The following CHD1 variants were observed in gnomAD, a reference collection of about 807,000 sequenced individuals.
CHD1 encodes ATP-dependent chromatin remodeler CHD1.
CHD1 carries 36 observed loss-of-function variants against 224.2 expected under a neutral mutation model. The ratio of observed to expected loss-of-function variants is 0.16; its 90% confidence interval spans 0.12 to 0.21. The LOEUF (loss-of-function observed/expected upper bound fraction) is 0.21. Ranked by LOEUF, CHD1 falls within the 10% of genes least tolerant of loss-of-function variation. The pLI is 1.00. For synonymous variants in CHD1, 668 were observed against 658.3 expected (o/e 1.01, Z -0.23); for missense variants, 1,378 against 1,994.8 (o/e 0.69, Z 5.89).
intron 35 of CHD1, 61 bp downstream of exon 35, chr5:98,858,119 A>T (rs1748177919): frequency 7.7e-7 from 1 of 1,304,840 alleles, no homozygotes; most frequent in East Asian, 2.3e-5. Context: ...AAATACAGGA[A>T]CATCATGATA....
At position 98,926,378 on chromosome 5, in the gene CHD1, T is replaced by C. The variant is rs777920140; in HGVS notation, c.9A>G (p.Gly3=). ...TTCTAACACTTTCTTCATCACTGTG[T>C]CCATTCATTGTAAATTATTATCAAG... MN[G]HSDEESVRNS... Residue 3 remains glycine (G), a synonymous_variant, in exon 2 of 36, where the codon GGA becomes GGG. Transcript: ENST00000614616. 3 of 1,501,278 alleles carry C rather than the reference T, an allele frequency of 2.0e-6. No homozygotes were observed. Among genetic ancestry groups the C allele is most frequent in the Non-Finnish European group, 1.8e-6 (2 of 1,119,310 alleles). The allele number at this position is 1,501,278 out of a possible 1,614,324, so 93.0% of individuals were successfully genotyped here.
intron 2 of CHD1, among the ~76,000 whole-genome samples, chr5:98,906,997 C>G (rs1752087238): frequency 6.6e-6 from 1 of 152,162 alleles, no homozygotes; most frequent in African/African-American, 2.4e-5. Context: ...GAACAGTAGA[C>G]AGATGAATGA....
chr5:98,910,332 T>C (rs933849542), intron 2 of CHD1, among the ~76,000 whole-genome samples: 6 of 152,200 alleles, frequency 3.9e-5, no homozygotes, highest in Admixed American at 1.3e-4. Context: ...AAGATGACTA[T>C]GCAATTCTTT....
At chr5:98,858,910 A>C in intron 34 of CHD1, 54 bp downstream of exon 34, 2 of 1,296,864 alleles carry the variant, frequency 1.5e-6, no homozygotes, top group South Asian at 3.2e-5. Context: ...TTAAAACAAA[A>C]ATTTAAAAAA....
At position 98,891,587 on chromosome 5, in the gene CHD1, G is replaced by C. The variant is rs1357360032; in HGVS notation, c.2180+938C>G. On this transcript the variant is annotated intron_variant, in intron 15 of 35. Transcript: ENST00000614616. ...GCACTTTGGAAGGCTGAGGCGTGTG[G>C]ATCGCTTGGGGCCAGGAGTTCAGGA... Among the ~76,000 whole-genome samples the C allele has an allele frequency of 3.9e-5, 6 of 152,186 alleles. No individual in the cohort carries two copies. The East Asian group carries it at 1.2e-3, about 30-fold the overall frequency.
At chr5:98,924,601 T>C (rs1165009760) in intron 2 of CHD1, among the ~76,000 whole-genome samples, 2 of 152,254 alleles carry the variant, frequency 1.3e-5, no homozygotes, top group African/African-American at 2.4e-5. Context: ...TTCCTTATTT[T>C]ATTCTCTATG....
intron 2 of CHD1, among the ~76,000 whole-genome samples, chr5:98,913,050 G>C (rs1752524697): frequency 6.6e-6 from 1 of 152,174 alleles, no homozygotes; most frequent in African/African-American, 2.4e-5. Context: ...GCTTGACAAA[G>C]AGAGCTATAA....
intron 31 of CHD1, among the ~76,000 whole-genome samples, chr5:98,867,601 G>A (rs553611722): frequency 2.6e-5 from 4 of 151,966 alleles, no homozygotes; most frequent in African/African-American, 9.7e-5. Flanking sequence ...AATGGCATTG[G>A]GAATTTAAAA....
chr5:98,864,832 TTA>T (rs1748739952), intron 31 of CHD1, among the ~76,000 whole-genome samples: 1 of 152,230 alleles, frequency 6.6e-6, no homozygotes, highest in African/African-American at 2.4e-5. Flanking sequence ...TTCATTGCTT[TTA>T]TGTTTCCTAT....
At chr5:98,914,517 G>GA (rs150899249) in intron 2 of CHD1, among the ~76,000 whole-genome samples, 20,819 of 147,728 alleles carry the variant, frequency 0.14, 1,782 homozygotes, top group Middle Eastern at 0.28. Context: ...AAATGCCATA[G>GA]AAAAAAAAAA....
Position 98,900,969 on chromosome 5 carries a change from C to A in CHD1, c.701G>T (p.Arg234Leu). 1.2e-6 allele frequency: 2 copies of A among 1,613,970 alleles called. No homozygotes were observed. Among genetic ancestry groups the A allele is most frequent in the South Asian group, 1.1e-5 (1 of 91,080 alleles). Residue 234 changes from arginine (R) to leucine (L), a missense_variant, in exon 7 of 36, where the codon CGC becomes CTC. Arg to Leu is a moderately radical substitution (Grantham distance 102). This residue lies in a region of CHD1 where 306 missense variants were observed against 298.1 expected (regional missense o/e 1.03). Transcript: ENST00000614616. ...ATAGCTAACATTAACAGTTGCTTGG[C>A]GACGAGAACTTCTTTTATCATTATC... ...DYDNDKRSSR[R>L]QATVNVSYKE...
chr5:98,907,900 A>T (rs577478727), intron 2 of CHD1, among the ~76,000 whole-genome samples: 147 of 152,264 alleles, frequency 9.7e-4, no homozygotes, highest in African/African-American at 3.4e-3. Flanking sequence ...AGAGATTTTT[A>T]AAAATGAAAG....
chr5:98,881,507 G>A, intron 20 of CHD1, 132 bp from the exon 21 acceptor site: 2 of 513,130 alleles, frequency 3.9e-6, no homozygotes, highest in East Asian at 3.4e-5. Flanking sequence ...TCAAGTATTA[G>A]AATCCTTTTT....
intron 18 of CHD1, among the ~76,000 whole-genome samples, chr5:98,883,622 C>T (rs113622602): frequency 1.3e-5 from 2 of 151,498 alleles, no homozygotes; most frequent in African/African-American, 4.8e-5. Flanking sequence ...CTGCCCAGAG[C>T]AAAAAAGTCA....
intron 15 of CHD1, 56 bp downstream of exon 15, chr5:98,892,469 G>T: frequency 7.5e-7 from 1 of 1,331,060 alleles, no homozygotes; most frequent in South Asian, 1.4e-5. Flanking sequence ...GCAGGACACA[G>T]ACATGGAAGG....
At chr5:98,877,196 A>C (rs1749823500) in intron 23 of CHD1, among the ~76,000 whole-genome samples, 5 of 152,130 alleles carry the variant, frequency 3.3e-5, no homozygotes, top group Admixed American at 3.3e-4. Flanking sequence ...AAATAATCTA[A>C]ATATTCATCA....
chr5:98,908,265 A>C lies in CHD1; in HGVS notation c.54-3167T>G, dbSNP rs532442127. Among the ~76,000 whole-genome samples, 60 of 152,152 alleles carry C rather than the reference A, an allele frequency of 3.9e-4. 1 individual carries two copies. The highest frequency in any genetic ancestry group is 1.2e-3 in the Admixed American group (18 of 15,268). On this transcript the variant is annotated intron_variant, in intron 2 of 35. Coordinates refer to ENST00000614616, the MANE Select transcript of CHD1 (RefSeq NM_001270.4). ...TCCTTCTCTTTTCTTTTTATTATGT[A>C]ATTTTTTGAGTCCCACCTCACAGCT...
intron 12 of CHD1, 103 bp from the exon 13 acceptor site, chr5:98,894,789 T>G: frequency 3.7e-6 from 2 of 545,560 alleles, no homozygotes; most frequent in Non-Finnish European, 6.7e-6. Flanking sequence ...TGTAAGTAAC[T>G]ATTAATATAT....
chr5:98,856,219 C>T lies in CHD1; in HGVS notation c.*161G>A. On this transcript the variant is annotated 3_prime_UTR_variant, in exon 36 of 36. Coordinates refer to ENST00000614616, the MANE Select transcript of CHD1 (RefSeq NM_001270.4). ...ATCCTTAAATATAAAAATATTTTCT[C>T]TTCTGTTGGGATAATAGACCTTGCA... 1.7e-6 allele frequency: 1 copy of T among 584,984 alleles called. No individual in the cohort carries two copies. The highest frequency in any genetic ancestry group is 2.8e-5 in the East Asian group (1 of 35,614). The allele number at this position is 584,984 out of a possible 1,614,324, so 36.2% of individuals were successfully genotyped here.
Sources: gnomAD v4.1 joint callset for allele counts (sites outside exome capture counted in the v4.1 genomes callset) on GRCh38, gnomAD v4.1.1 for gene constraint, gnomAD v4.1.1 regional missense constraint, MANE v1.5 for transcripts, NCBI Gene and HGNC (gene_info 2026-07-23, HGNC 2026-07-21) for gene names.